The following CALN1 variants were observed in gnomAD, a reference collection of about 807,000 sequenced individuals.
CALN1 encodes the protein calneuron 1.
A neutral mutation model predicts 30.6 loss-of-function variants in CALN1; 17 were observed. The observed-to-expected ratio is 0.56, with a 90% CI of 0.38 to 0.83. The LOEUF is 0.83. Among genes scored for constraint, CALN1 ranks in the 40% least tolerant of loss-of-function variants. CALN1 has a pLI of 0.00. For synonymous variants in CALN1, 156 were observed against 131.4 expected (o/e 1.19, Z -1.28); for missense variants, 291 against 354.9 (o/e 0.82, Z 1.45).
At chr7:72,265,003 C>T (rs1305510595) in intron 3 of CALN1, among the ~76,000 whole-genome samples, 1 of 152,100 alleles carries the variant, frequency 6.6e-6, no homozygotes, top group Non-Finnish European at 1.5e-5. Flanking sequence ...CATGTACCTG[C>T]TAATTTTTGT....
intron 5 of CALN1, among the ~76,000 whole-genome samples, chr7:71,864,145 T>C (rs1430001627): frequency 1.3e-5 from 2 of 152,062 alleles, no homozygotes; most frequent in African/African-American, 2.4e-5. Context: ...AGAAAAAAAA[T>C]ATAATTTTCC....
rs1405441724 is a variant in CALN1, at chr7:72,147,836, A to T, written c.245-41542T>A. ...AGCTGGAAACCATCATTCTCAGTAA[A>T]CTATCGCAAGGACAAAAAACCAAAC... On this transcript the variant is annotated intron_variant, in intron 3 of 6. Transcript: ENST00000395275. 8.6e-5 allele frequency among the ~76,000 whole-genome samples: 13 copies of T among 151,806 alleles called. No homozygotes were observed. In the South Asian group the frequency reaches 2.3e-3, roughly 27 times the overall value.
Position 71,813,041 on chromosome 7 carries a change from C to T in CALN1, c.502-2549G>A, listed in dbSNP as rs183166726. Among the ~76,000 whole-genome samples the T allele has an allele frequency of 3.7e-3, 556 of 151,822 alleles. 4 individuals are homozygous for T. The highest frequency in any genetic ancestry group is 0.012 in the African/African-American group (517 of 41,388). ...TTGGCTCACTGCAACCTCCACCTCCCGAGTTCAAGTGATCCTTCTGTCTCA... is the reference window on the plus strand; with the variant it reads ...TTGGCTCACTGCAACCTCCACCTCCTGAGTTCAAGTGATCCTTCTGTCTCA... On this transcript the variant is annotated intron_variant, in intron 5 of 6. Coordinates refer to ENST00000395275, the MANE Select transcript of CALN1 (RefSeq NM_031468.4).
intron 3 of CALN1, among the ~76,000 whole-genome samples, chr7:72,222,655 T>C (rs923339711): frequency 6.6e-6 from 1 of 151,892 alleles, no homozygotes; most frequent in Non-Finnish European, 1.5e-5. Flanking sequence ...TCAGTGCTGG[T>C]TTTTCACCCA....
At chr7:71,850,798 A>G (rs1387542337) in intron 5 of CALN1, among the ~76,000 whole-genome samples, 1 of 152,218 alleles carries the variant, frequency 6.6e-6, no homozygotes, top group African/African-American at 2.4e-5. Flanking sequence ...AATAAAATCT[A>G]TGTTATGAAT....
intron 5 of CALN1, among the ~76,000 whole-genome samples, chr7:71,833,802 A>G (rs1789433912): frequency 2.0e-5 from 3 of 152,234 alleles, no homozygotes; most frequent in Admixed American, 6.5e-5. Context: ...CATAACAGCT[A>G]CTTGGGAAGC....
rs200069648 is a variant in CALN1, at chr7:72,278,780, G to A, written c.150C>T (p.Ala50=). 24 of 1,613,622 alleles carry A rather than the reference G, an allele frequency of 1.5e-5. No individual in the cohort carries two copies. The highest frequency in any genetic ancestry group is 1.1e-4 in the East Asian group (5 of 44,860). ...GGTAATTCCCCTTGTACAACAAGCC[G>A]GCGGTCACATGGTGGAACGGCATCT... ...WEKMPFHHVT[A]GLLYKGNYLN... The change falls in exon 3 of 7, where the codon GCC becomes GCT. Residue 50 remains alanine, a synonymous_variant. Transcript: ENST00000395275.
At chr7:72,436,835 G>T (rs906513155) in intron 1 of CALN1, among the ~76,000 whole-genome samples, 1 of 152,160 alleles carries the variant, frequency 6.6e-6, no homozygotes, top group Non-Finnish European at 1.5e-5. Flanking sequence ...TTCAGAAGGG[G>T]TGGGGCCCAA....
At chr7:71,841,872 A>G (rs1789957948) in intron 5 of CALN1, among the ~76,000 whole-genome samples, 1 of 152,110 alleles carries the variant, frequency 6.6e-6, no homozygotes, top group African/African-American at 2.4e-5. Context: ...GGAGGGGGAC[A>G]AGGGCTTAAA....
chr7:71,846,876 TATATACACAC>T lies in CALN1; in HGVS notation c.502-36394_502-36385del, dbSNP rs1392643902. On this transcript the variant is annotated intron_variant, in intron 5 of 6. Transcript: ENST00000395275. ...TATGTATATATGTATGTATATATAA[TATATACACAC>T]ATATATGTATATATAATATATACAT... Among the ~76,000 whole-genome samples the T allele has an allele frequency of 2.0e-5, 3 of 146,642 alleles. No homozygotes were observed. The Admixed American group carries it at 2.1e-4, about 10-fold the overall frequency.
intron 5 of CALN1, among the ~76,000 whole-genome samples, chr7:71,928,001 C>T (rs1795354978): frequency 6.6e-6 from 1 of 152,180 alleles, no homozygotes; most frequent in Non-Finnish European, 1.5e-5. Context: ...CTAGTGACCA[C>T]AAGGTTTGCT....
At chr7:72,389,553 C>A (rs1166203738) in intron 2 of CALN1, among the ~76,000 whole-genome samples, 3 of 152,162 alleles carry the variant, frequency 2.0e-5, no homozygotes, top group African/African-American at 7.2e-5. Context: ...TGTAACGTCT[C>A]CTTAAGAAGT....
chr7:72,022,935 AAG>A (rs1212651225), intron 5 of CALN1, among the ~76,000 whole-genome samples: 25 of 136,622 alleles, frequency 1.8e-4, no homozygotes, highest in Admixed American at 4.1e-4. Flanking sequence ...AAAAAAAAAA[AAG>A]AAATTTAAAA....
At chr7:72,283,407 C>A (rs1797864882) in intron 2 of CALN1, among the ~76,000 whole-genome samples, 1 of 152,046 alleles carries the variant, frequency 6.6e-6, no homozygotes. Context: ...TGGTGGCACA[C>A]ACATGTAGTC....
chr7:72,026,563 C>A (rs143548411), intron 4 of CALN1, among the ~76,000 whole-genome samples: 1 of 151,406 alleles, frequency 6.6e-6, no homozygotes, highest in Admixed American at 6.6e-5. Flanking sequence ...CCAGCCTGGG[C>A]GACAGAGCAA....
intron 5 of CALN1, among the ~76,000 whole-genome samples, chr7:71,915,688 C>T (rs1334764903): frequency 3.3e-5 from 5 of 152,204 alleles, no homozygotes; most frequent in Non-Finnish European, 2.9e-5. Context: ...GAGCCAAGAT[C>T]GCTGCATTGC....
At chr7:72,455,969 G>C in the CALN1 span, among the ~76,000 whole-genome samples, 1 of 151,808 alleles carries the variant, frequency 6.6e-6, no homozygotes, top group South Asian at 2.1e-4. Flanking sequence ...GGCAGATCAC[G>C]AGGTCAAGAG....
intron 4 of CALN1, among the ~76,000 whole-genome samples, chr7:72,100,821 CAAAAAAAAA>C (rs35514026): frequency 2.2e-4 from 16 of 73,072 alleles, no homozygotes; most frequent in African/African-American, 8.1e-4. Context: ...CTCCGTCTCA[CAAAAAAAAA>C]AAAAAAAAAA....
chr7:71,982,954 A>C (rs531683934), intron 5 of CALN1, among the ~76,000 whole-genome samples: 1 of 152,184 alleles, frequency 6.6e-6, no homozygotes, highest in Non-Finnish European at 1.5e-5. Context: ...GTGTGCAGTA[A>C]GGAGCAGACA....
Sources: allele counts gnomAD v4.1 joint callset (sites outside exome capture counted in the v4.1 genomes callset), GRCh38; gene constraint gnomAD v4.1.1; transcripts MANE v1.5; gene names NCBI Gene and HGNC (gene_info 2026-07-23, HGNC 2026-07-21).